The following ATG7 variants were observed in gnomAD, a reference collection of about 807,000 sequenced individuals.
ATG7 encodes autophagy related 7.
A neutral mutation model predicts 82.4 loss-of-function variants in ATG7; 70 were observed. The observed-to-expected ratio is 0.85, with a 90% confidence interval of 0.70 to 1.04. ATG7 has a LOEUF of 1.04. Among genes scored for constraint, ATG7 ranks in the 50% least tolerant of loss-of-function variants. ATG7 has a pLI of 0.00. For synonymous variants in ATG7, 287 were observed against 313.0 expected (o/e 0.92, Z 0.88); for missense variants, 792 against 864.3 (o/e 0.92, Z 1.05).
chr3:11,340,833 G>C (rs549306593), intron 12 of ATG7, 98 bp downstream of exon 12: 1 of 1,062,350 alleles, frequency 9.4e-7, no homozygotes, highest in East Asian at 2.6e-5. Flanking sequence ...ATTCAGCCCA[G>C]GGGGTGCCAG....
rs190425331 is a variant in ATG7, at chr3:11,372,744, G to A, written c.1876-7228G>A. Reference sequence around the variant, plus strand: ...CTTAAAATGTTCAGAGGGAGGCAAGGTTTGGTCACTCTGAGGAATCCCTCT... The same window carrying A: ...CTTAAAATGTTCAGAGGGAGGCAAGATTTGGTCACTCTGAGGAATCCCTCT... On this transcript the variant is annotated intron_variant, in intron 18 of 20. Transcript: ENST00000693202. Among the ~76,000 whole-genome samples, 39 of 151,288 alleles carry A rather than the reference G, an allele frequency of 2.6e-4. 1 individual carries two copies. The highest frequency in any genetic ancestry group is 1.1e-3 in the Admixed American group (16 of 15,132).
Position 11,493,335 on chromosome 3 carries a change from C to G in ATG7, c.2080-61476C>G, listed in dbSNP as rs2090551671. ...CCCAACATCCAGCTGCTTCTCCTCT[C>G]TGCCAGCTGAGCCTGGAGTCTTTAT... On this transcript the variant is annotated intron_variant, in intron 20 of 20. Transcript: ENST00000693202. Among the ~76,000 whole-genome samples the G allele has an allele frequency of 2.0e-5, 3 of 152,322 alleles. No homozygotes were observed. In the South Asian group the frequency reaches 6.2e-4, roughly 32 times the overall value.
At chr3:11,472,791 C>G (rs1184068526) in intron 20 of ATG7, among the ~76,000 whole-genome samples, 1 of 152,134 alleles carries the variant, frequency 6.6e-6, no homozygotes, top group African/African-American at 2.4e-5. Context: ...TGTGATTGGT[C>G]TGATAGCTCC....
chr3:11,527,035 G>GTGTA (rs2092593146), intron 20 of ATG7, among the ~76,000 whole-genome samples: 1 of 130,422 alleles, frequency 7.7e-6, no homozygotes, highest in African/African-American at 3.1e-5. Flanking sequence ...ATGTGTGTGT[G>GTGTA]TATATATGTG....
At chr3:11,532,579 C>T (rs983219792) in intron 20 of ATG7, among the ~76,000 whole-genome samples, 7 of 152,144 alleles carry the variant, frequency 4.6e-5, no homozygotes, top group Non-Finnish European at 8.8e-5. Flanking sequence ...AAAAATTAGC[C>T]AGGTGTGGTG....
intron 10 of ATG7, among the ~76,000 whole-genome samples, chr3:11,332,506 G>A (rs1290611153): frequency 1.3e-5 from 2 of 152,156 alleles, no homozygotes. Flanking sequence ...TTCTCTGAGG[G>A]AGACAATCTA....
intron 9 of ATG7, among the ~76,000 whole-genome samples, chr3:11,325,902 TTTG>T (rs940845812): frequency 1.3e-5 from 2 of 152,198 alleles, no homozygotes; most frequent in Non-Finnish European, 2.9e-5. Context: ...TTGTGTGTTT[TTTG>T]TTGTTGTTTT....
chr3:11,344,575 G>A (rs1166864319), intron 13 of ATG7, among the ~76,000 whole-genome samples: 1 of 152,044 alleles, frequency 6.6e-6, no homozygotes, highest in Non-Finnish European at 1.5e-5. Flanking sequence ...GTTTTTAAAT[G>A]TTACATTTTG....
intron 20 of ATG7, among the ~76,000 whole-genome samples, chr3:11,486,847 T>C (rs2089730021): frequency 6.6e-6 from 1 of 150,388 alleles, no homozygotes; most frequent in African/African-American, 2.4e-5. Context: ...TTTTAATTTA[T>C]TTTTTTATTG....
At position 11,498,141 on chromosome 3, in the gene ATG7, A is replaced by G. The variant is rs574173350; in HGVS notation, c.2080-56670A>G. Among the ~76,000 whole-genome samples, 3 of 152,284 alleles carry G rather than the reference A, an allele frequency of 2.0e-5. No homozygotes were observed. The South Asian group carries it at 6.2e-4, about 32-fold the overall frequency. On this transcript the variant is annotated intron_variant, in intron 20 of 20. Coordinates refer to ENST00000693202, the MANE Select transcript of ATG7 (RefSeq NM_001349232.2). ...TCCTCCTATTCCATGAAATCCCTGC[A>G]TATATACACACATATACATACATAC...
At chr3:11,412,957 G>A (rs1276223978) in intron 19 of ATG7, among the ~76,000 whole-genome samples, 1 of 151,924 alleles carries the variant, frequency 6.6e-6, no homozygotes, top group Non-Finnish European at 1.5e-5. Context: ...TGATGCTATT[G>A]TAAATAAACT....
At chr3:11,294,261 G>T (rs1466988726) in intron 3 of ATG7, among the ~76,000 whole-genome samples, 1 of 151,278 alleles carries the variant, frequency 6.6e-6, no homozygotes, top group East Asian at 1.9e-4. Flanking sequence ...TTTTTGAAAT[G>T]GAGTTTTGCT....
intron 19 of ATG7, among the ~76,000 whole-genome samples, chr3:11,407,175 C>T (rs1052571846): frequency 2.0e-5 from 3 of 152,074 alleles, no homozygotes; most frequent in Non-Finnish European, 4.4e-5. Context: ...AGAAATTGAC[C>T]AAAACAAAGG....
At chr3:11,558,396 C>T (rs1000494146), downstream of ATG7, 77 of 1,256,688 alleles carry the variant, frequency 6.1e-5, no homozygotes, top group African/African-American at 1.0e-3. Context: ...CAAGCAAGTA[C>T]AAAAACAGAA....
chr3:11,342,174 G>A lies in ATG7; in HGVS notation c.1020G>A (p.Met340Ile). The part of the protein sequence containing the change: ...ESSVDLNLKL[M>I]CWRLVPTLDL... ...CAGTGGATCTAAATCTCAAACTGATGTGTTGGAGATTGGTTCCTACTTTAG... is the reference window on the plus strand; with the variant it reads ...CAGTGGATCTAAATCTCAAACTGATATGTTGGAGATTGGTTCCTACTTTAG... The change falls in exon 13 of 21, where the codon ATG becomes ATA. Residue 340 changes from methionine to isoleucine, a missense_variant. Transcript: ENST00000693202. 1 of 1,613,266 alleles carries A rather than the reference G, an allele frequency of 6.2e-7. No individual in the cohort carries two copies. The highest frequency in any genetic ancestry group is 8.5e-7 in the Non-Finnish European group (1 of 1,179,954).
At chr3:11,565,000 C>T in the ATG7 span, 9 of 1,503,290 alleles carry the variant, frequency 6.0e-6, no homozygotes, top group Admixed American at 7.2e-5. Flanking sequence ...CTGCGGCAGT[C>T]TCCATTGGCA....
intron 14 of ATG7, chr3:11,348,287 C>G: frequency 2.2e-6 from 1 of 447,358 alleles, no homozygotes; most frequent in Admixed American, 3.8e-5. Context: ...CTTGGTCTTG[C>G]TGACTTCAAG....
At chr3:11,422,590 T>C (rs2082019251) in intron 19 of ATG7, among the ~76,000 whole-genome samples, 1 of 152,186 alleles carries the variant, frequency 6.6e-6, no homozygotes, top group Non-Finnish European at 1.5e-5. Context: ...TACTTTATTT[T>C]TGTGTGTTCA....
intron 20 of ATG7, among the ~76,000 whole-genome samples, chr3:11,469,496 A>G (rs961572456): frequency 6.6e-6 from 1 of 152,042 alleles, no homozygotes. Context: ...AAACCTACCT[A>G]TTAGTCCACT....
Sources: allele counts gnomAD v4.1 joint callset (sites outside exome capture counted in the v4.1 genomes callset), GRCh38; gene constraint gnomAD v4.1.1; transcripts MANE v1.5; gene names NCBI Gene and HGNC (gene_info 2026-07-23, HGNC 2026-07-21).